The following CSMD3 variants were observed in gnomAD, a reference collection of about 807,000 sequenced individuals.
The protein encoded by CSMD3 is CUB and Sushi multiple domains 3, also known as CUB and sushi domain-containing protein 3.
In CSMD3, 177 loss-of-function variants were observed where a neutral mutation model predicts 435.2. The observed-to-expected ratio is 0.41, with a 90% confidence interval of 0.36 to 0.46. The LOEUF (loss-of-function observed/expected upper bound fraction) is 0.46, where lower values mean the gene tolerates loss of function less well. CSMD3 is among the 20% of genes least tolerant of loss of function. The pLI is 0.34. For missense variants in CSMD3, 4,265 were observed against 4,504.6 expected (o/e 0.95, Z 1.52); for synonymous variants, 1,656 against 1,520.5 (o/e 1.09, Z -2.07).
chr8:112,439,773 C>T (rs1010610466), intron 32 of CSMD3, among the ~76,000 whole-genome samples: 1 of 152,030 alleles, frequency 6.6e-6, no homozygotes, highest in Non-Finnish European at 1.5e-5. Flanking sequence ...AGGTCCCTCA[C>T]CAAACCATCA....
At position 112,380,478 on chromosome 8, in the gene CSMD3, C is replaced by G. The variant is rs374595514; in HGVS notation, c.6032-22G>C. ...GTTCCTGAAATGATATATGAGAAGGCAAGACAATGACCACATAATAAGTAC... is the reference window on the plus strand; with the variant it reads ...GTTCCTGAAATGATATATGAGAAGGGAAGACAATGACCACATAATAAGTAC... On this transcript the variant is annotated intron_variant, in intron 37 of 70. Coordinates refer to ENST00000297405, the MANE Select transcript of CSMD3 (RefSeq NM_198123.2). The G allele has an allele frequency of 5.2e-5, 61 of 1,182,998 alleles. No individual in the cohort carries two copies. In the African/African-American group the frequency reaches 8.9e-4, roughly 17 times the overall value. The allele number at this position is 1,182,998 out of a possible 1,614,324, so 73.3% of individuals were successfully genotyped here. A position where few individuals can be genotyped will look rare whatever the true frequency, so the allele number is the denominator to read the frequency against.
intron 31 of CSMD3, among the ~76,000 whole-genome samples, chr8:112,483,614 G>T (rs1819841696): frequency 6.6e-6 from 1 of 152,188 alleles, no homozygotes; most frequent in African/African-American, 2.4e-5. Flanking sequence ...GATCTGGTAT[G>T]TAGTGTGGGT....
intron 32 of CSMD3, among the ~76,000 whole-genome samples, chr8:112,454,555 G>T (rs560222763): frequency 6.6e-6 from 1 of 152,214 alleles, no homozygotes; most frequent in African/African-American, 2.4e-5. Context: ...TCTCACATTA[G>T]TCAGAATGGT....
At chr8:113,411,462 T>C (rs372105839) in intron 1 of CSMD3, among the ~76,000 whole-genome samples, 74 of 152,336 alleles carry the variant, frequency 4.9e-4, no homozygotes, top group East Asian at 3.1e-3. Context: ...GAAAATTGTA[T>C]GTTTCTTGAA....
At chr8:112,880,189 T>A (rs887342815) in intron 10 of CSMD3, among the ~76,000 whole-genome samples, 1 of 152,102 alleles carries the variant, frequency 6.6e-6, no homozygotes, top group Non-Finnish European at 1.5e-5. Context: ...AATTTGGTTA[T>A]CACTTGTAAT....
chr8:113,335,953 G>A (rs922129879), intron 1 of CSMD3, among the ~76,000 whole-genome samples: 1 of 151,874 alleles, frequency 6.6e-6, no homozygotes, highest in African/African-American at 2.4e-5. Context: ...GCAATCTGTA[G>A]GTTTGACTCT....
chr8:112,636,991 G>C lies in CSMD3; in HGVS notation c.3541C>G (p.Pro1181Ala), dbSNP rs2131582139. The change falls in exon 22 of 71, where the codon CCT (proline) becomes GCT (alanine). Residue 1181 changes from proline to alanine, a missense_variant. Around this residue, in one of 3 missense-constraint regions of CSMD3, gnomAD observed 3,255 missense variants for 3,380.2 expected, o/e 0.96. Coordinates refer to ENST00000297405, the MANE Select transcript of CSMD3 (RefSeq NM_198123.2). The part of the protein sequence containing the change: ...NITFSEYNLE[P>A]CEDPGIPQYG... The stretch of plus-strand genomic sequence containing the variant: ...TGAGGAATGCCAGGATCTTCACAAG[G>C]TTCAAGGTTATATTCTGTAAATTAG... 1 of 1,613,640 alleles carries C rather than the reference G, an allele frequency of 6.2e-7. No individual in the cohort carries two copies. Among genetic ancestry groups the C allele is most frequent in the Non-Finnish European group, 8.5e-7 (1 of 1,179,704 alleles).
chr8:112,478,383 G>A (rs1289527715), intron 31 of CSMD3, among the ~76,000 whole-genome samples: 1 of 152,140 alleles, frequency 6.6e-6, no homozygotes, highest in African/African-American at 2.4e-5. Context: ...AAATGGTTGT[G>A]ACAAAAATGC....
Position 113,071,841 on chromosome 8 carries a change from C to T in CSMD3, c.917+26915G>A, listed in dbSNP as rs564657097. On this transcript the variant is annotated intron_variant, in intron 5 of 70. Transcript: ENST00000297405. ...CAATTTTATGAATTTTTTTCCATGT[C>T]TGTAATAAAATTTGTTAGATTTTAA... Among the ~76,000 whole-genome samples, 45 of 151,806 alleles carry T rather than the reference C, an allele frequency of 3.0e-4. No individual in the cohort carries two copies. The South Asian group carries it at 8.7e-3, about 29-fold the overall frequency.
intron 6 of CSMD3, among the ~76,000 whole-genome samples, chr8:112,995,286 T>C (rs2085607420): frequency 6.6e-6 from 1 of 151,474 alleles, no homozygotes; most frequent in South Asian, 2.1e-4. Flanking sequence ...GTTAGTGCAA[T>C]GATTAAAAGA....
intron 9 of CSMD3, among the ~76,000 whole-genome samples, chr8:112,923,363 T>C (rs1182872480): frequency 3.3e-5 from 5 of 152,156 alleles, no homozygotes; most frequent in Non-Finnish European, 7.4e-5. Flanking sequence ...ATTGCCGATG[T>C]GATTTGGTCT....
chr8:112,556,131 T>A (rs1020533103), intron 25 of CSMD3, among the ~76,000 whole-genome samples: 1 of 151,960 alleles, frequency 6.6e-6, no homozygotes, highest in African/African-American at 2.4e-5. Context: ...GAGAGATCTC[T>A]ATCCACACCT....
At chr8:113,106,181 T>A (rs1390335217) in intron 4 of CSMD3, among the ~76,000 whole-genome samples, 1 of 151,880 alleles carries the variant, frequency 6.6e-6, no homozygotes, top group African/African-American at 2.4e-5. Context: ...TTAGAGAATA[T>A]ATAACCACAG....
intron 13 of CSMD3, among the ~76,000 whole-genome samples, chr8:112,753,364 T>G (rs2077619102): frequency 1.3e-5 from 2 of 152,218 alleles, no homozygotes; most frequent in Non-Finnish European, 1.5e-5. Flanking sequence ...TAATTCATTT[T>G]TTATAAAGGA....
intron 67 of CSMD3, among the ~76,000 whole-genome samples, chr8:112,235,123 T>C (rs1813447517): frequency 6.6e-6 from 1 of 152,160 alleles, no homozygotes; most frequent in South Asian, 2.1e-4. Context: ...CCCAGCACTT[T>C]GGGAAGCCAA....
chr8:113,113,675 A>G (rs1336623488), intron 4 of CSMD3, among the ~76,000 whole-genome samples: 1 of 152,184 alleles, frequency 6.6e-6, no homozygotes, highest in Non-Finnish European at 1.5e-5. Flanking sequence ...GCAATCAGTC[A>G]TGAAAGTAAA....
intron 32 of CSMD3, among the ~76,000 whole-genome samples, chr8:112,410,628 G>GTATATATATATGTGTATATATATGTA (rs373147062): frequency 1.3e-4 from 9 of 69,952 alleles, no homozygotes; most frequent in Non-Finnish European, 1.2e-4. Context: ...ATATATATGT[G>GTATATATATATGTGTATATATATGTA]TATATATATG....
intron 12 of CSMD3, among the ~76,000 whole-genome samples, chr8:112,805,243 T>G (rs2079057133): frequency 6.6e-6 from 1 of 152,274 alleles, no homozygotes; most frequent in African/African-American, 2.4e-5. Context: ...GGAATCTGAT[T>G]ACTGTGTACC....
chr8:112,889,258 A>G (rs1486446409), intron 10 of CSMD3, among the ~76,000 whole-genome samples: 1 of 151,642 alleles, frequency 6.6e-6, no homozygotes, highest in Non-Finnish European at 1.5e-5. Flanking sequence ...ATGAGATATC[A>G]TCATTACCCT....
Sources: gnomAD v4.1 joint callset for allele counts (sites outside exome capture counted in the v4.1 genomes callset) on GRCh38, gnomAD v4.1.1 for gene constraint, gnomAD v4.1.1 regional missense constraint, MANE v1.5 for transcripts, NCBI Gene and HGNC (gene_info 2026-07-23, HGNC 2026-07-21) for gene names.